The following MALL variants were observed in gnomAD, a reference collection of about 807,000 sequenced individuals.
MALL encodes the protein mal, T cell differentiation protein like.
A neutral mutation model predicts 10.3 loss-of-function variants in MALL; 2 were observed. That is an observed-to-expected ratio of 0.19 (90% CI 0.08 to 0.61). MALL has a LOEUF of 0.61. Ranked by LOEUF, MALL falls within the 20% of genes least tolerant of loss-of-function variation. The probability of loss-of-function intolerance (pLI) is 0.88; values close to 1 mark genes in which losing one functional copy is unlikely to be tolerated. For missense variants in MALL, 39 were observed against 115.2 expected, an observed-to-expected ratio of 0.34 and a Z score of 3.03; for synonymous variants, 27 against 51.8, an observed-to-expected ratio of 0.52 and a Z score of 2.05.
At chr2:110,117,218 A>C (rs148322783), upstream of MALL, among the ~76,000 whole-genome samples, 2 of 152,254 alleles carry the variant, frequency 1.3e-5, no homozygotes, top group East Asian at 3.9e-4. Flanking sequence ...ATCCAAGCAA[A>C]GGAGAGATTT....
intron 1 of MALL, among the ~76,000 whole-genome samples, chr2:110,102,734 G>T (rs576181729): frequency 1.4e-4 from 22 of 152,264 alleles, no homozygotes; most frequent in Middle Eastern, 3.4e-3. Flanking sequence ...CCAGGCCCCA[G>T]AAATTCTCAC....
upstream of MALL, chr2:110,115,829 C>G: frequency 9.7e-7 from 1 of 1,027,272 alleles, no homozygotes; most frequent in Non-Finnish European, 1.3e-6. Flanking sequence ...CGGCAGCTCG[C>G]CCGCGCGCAG....
chr2:110,105,958 A>G (rs1166686763), intron 1 of MALL, among the ~76,000 whole-genome samples: 1 of 152,138 alleles, frequency 6.6e-6, no homozygotes, highest in Non-Finnish European at 1.5e-5. Flanking sequence ...TAAGACATAC[A>G]ATGAACTTGC....
upstream of MALL, among the ~76,000 whole-genome samples, chr2:110,117,991 C>T (rs1241392139): frequency 6.6e-6 from 1 of 151,930 alleles, no homozygotes; most frequent in Non-Finnish European, 1.5e-5. Flanking sequence ...TGACAGGTAC[C>T]AGAGGAAAGA....
intron 1 of MALL, among the ~76,000 whole-genome samples, chr2:110,113,234 G>C (rs929832720): frequency 6.6e-6 from 1 of 151,188 alleles, no homozygotes; most frequent in African/African-American, 2.4e-5. Flanking sequence ...TCAGGAGTTA[G>C]ACCATCCTGG....
At chr2:110,092,767 G>A (rs1367590794) in intron 1 of MALL, among the ~76,000 whole-genome samples, 1 of 126,196 alleles carries the variant, frequency 7.9e-6, no homozygotes, top group African/African-American at 2.6e-5. Context: ...GAGTCATGAA[G>A]ATATTCTTGC....
intron 1 of MALL, among the ~76,000 whole-genome samples, chr2:110,097,268 TC>T (rs1319406229): frequency 6.6e-6 from 1 of 151,756 alleles, no homozygotes; most frequent in East Asian, 1.9e-4. Context: ...ACAGAATACT[TC>T]CAGAATGAGA....
At chr2:110,117,140 A>T (rs574814995), upstream of MALL, among the ~76,000 whole-genome samples, 1 of 152,202 alleles carries the variant, frequency 6.6e-6, no homozygotes, top group South Asian at 2.1e-4. Context: ...GGAAACTAGG[A>T]AGTAAGGGAG....
intron 1 of MALL, among the ~76,000 whole-genome samples, chr2:110,110,246 C>CA (rs1474466030): frequency 6.6e-6 from 1 of 151,268 alleles, no homozygotes; most frequent in African/African-American, 2.4e-5. Flanking sequence ...AAATTGAAAC[C>CA]AAAAAAACCC....
intron 1 of MALL, among the ~76,000 whole-genome samples, chr2:110,103,470 T>C (rs1168195149): frequency 6.6e-6 from 1 of 152,158 alleles, no homozygotes; most frequent in African/African-American, 2.4e-5. Flanking sequence ...CCCTTTGCCC[T>C]GAGTGTTGCC....
At chr2:110,111,460 C>T (rs192318738) in intron 1 of MALL, among the ~76,000 whole-genome samples, 12 of 152,086 alleles carry the variant, frequency 7.9e-5, no homozygotes, top group Admixed American at 6.6e-4. Context: ...AGAGCTCAAC[C>T]CCTTTCATGA....
At chr2:110,106,722 C>G (rs1170152146) in intron 1 of MALL, among the ~76,000 whole-genome samples, 1 of 152,110 alleles carries the variant, frequency 6.6e-6, no homozygotes, top group African/African-American at 2.4e-5. Flanking sequence ...GGCATTTTCC[C>G]TGGAGAACTG....
chr2:110,113,472 T>A (rs1678849889), intron 1 of MALL, among the ~76,000 whole-genome samples: 1 of 147,180 alleles, frequency 6.8e-6, no homozygotes. Context: ...ACTACAAATG[T>A]AGTGCAGTGT....
At chr2:110,102,085 C>G (rs1509414) in intron 1 of MALL, among the ~76,000 whole-genome samples, 116,786 of 152,026 alleles carry the variant, frequency 0.77, 49,361 homozygotes, top group Non-Finnish European at 0.93. Context: ...AAAGAAGTTG[C>G]CTGATGATCC....
At position 110,095,120 on chromosome 2, in the gene MALL, C is replaced by T. The variant is rs1368335151; in HGVS notation, c.106-3350G>A. ...AGGTGGATTGAAACCCAGTAGAGTT[C>T]GTGATCTCATTTCTGTCTCAAGTAG... On this transcript the variant is annotated intron_variant, in intron 1 of 3. Coordinates refer to ENST00000272462, the MANE Select transcript of MALL (RefSeq NM_005434.5). 1.2e-4 allele frequency among the ~76,000 whole-genome samples: 18 copies of T among 151,318 alleles called. No individual in the cohort carries two copies. In the East Asian group the frequency reaches 3.5e-3, roughly 30 times the overall value.
At chr2:110,113,605 A>G (rs533358604) in intron 1 of MALL, among the ~76,000 whole-genome samples, 33 of 152,166 alleles carry the variant, frequency 2.2e-4, no homozygotes, top group Admixed American at 8.5e-4. Flanking sequence ...AGCACAAAAA[A>G]AGAAAAAAAC....
chr2:110,100,580 A>C (rs1323782577), intron 1 of MALL, among the ~76,000 whole-genome samples: 23 of 152,052 alleles, frequency 1.5e-4, no homozygotes, highest in Admixed American at 1.5e-3. Context: ...TCACTTACAC[A>C]CACACCCACA....
chr2:110,111,034 A>G (rs1678792110), intron 1 of MALL, among the ~76,000 whole-genome samples: 1 of 152,140 alleles, frequency 6.6e-6, no homozygotes, highest in Non-Finnish European at 1.5e-5. Context: ...TATTGTCAAA[A>G]CTCTCAGCAA....
At chr2:110,111,376 T>C (rs1377800993) in intron 1 of MALL, among the ~76,000 whole-genome samples, 1 of 152,152 alleles carries the variant, frequency 6.6e-6, no homozygotes, top group Non-Finnish European at 1.5e-5. Context: ...CAAAAGTTTC[T>C]GGATACAAGA....
Sources: allele counts gnomAD v4.1 joint callset (sites outside exome capture counted in the v4.1 genomes callset), GRCh38; gene constraint gnomAD v4.1.1; transcripts MANE v1.5; gene names NCBI Gene and HGNC (gene_info 2026-07-23, HGNC 2026-07-21).